The following CNTLN variants were observed in gnomAD, a reference collection of about 807,000 sequenced individuals.
CNTLN encodes the protein centlein, centrosomal protein.
A neutral mutation model predicts 180.0 loss-of-function variants in CNTLN; 212 were observed. The ratio of observed to expected loss-of-function variants is 1.18; its 90% CI spans 1.05 to 1.32. The LOEUF (loss-of-function observed/expected upper bound fraction) is 1.32, where lower values mean the gene tolerates loss of function less well. Among genes scored for constraint, CNTLN ranks in the 40% most tolerant of loss-of-function variants. The pLI is 0.00. For synonymous variants in CNTLN, 722 were observed against 563.1 expected, an observed-to-expected ratio of 1.28 and a Z score of -3.99; for missense variants, 2,095 against 1,610.9, an observed-to-expected ratio of 1.30 and a Z score of -5.14.
At chr9:17,319,405 G>A (rs1208674568) in intron 8 of CNTLN, among the ~76,000 whole-genome samples, 1 of 152,224 alleles carries the variant, frequency 6.6e-6, no homozygotes, top group East Asian at 1.9e-4. Flanking sequence ...AGGAGACTAA[G>A]TGGAAAGTGA....
intron 6 of CNTLN, among the ~76,000 whole-genome samples, chr9:17,281,680 C>G (rs1212399380): frequency 6.6e-6 from 1 of 152,164 alleles, no homozygotes; most frequent in Non-Finnish European, 1.5e-5. Context: ...TTTATCCAGT[C>G]TATCTTTGAT....
chr9:17,400,357 T>C (rs1826875761), intron 15 of CNTLN, among the ~76,000 whole-genome samples: 1 of 152,182 alleles, frequency 6.6e-6, no homozygotes, highest in African/African-American at 2.4e-5. Context: ...CAGGCTGGTC[T>C]GGAACTCCTG....
intron 6 of CNTLN, among the ~76,000 whole-genome samples, chr9:17,283,543 C>T (rs978367991): frequency 6.6e-6 from 1 of 152,150 alleles, no homozygotes; most frequent in African/African-American, 2.4e-5. Flanking sequence ...CATCTGCAAA[C>T]AGAGACAGTT....
intron 12 of CNTLN, among the ~76,000 whole-genome samples, chr9:17,365,727 A>C (rs1159623145): frequency 6.6e-6 from 1 of 152,198 alleles, no homozygotes; most frequent in Non-Finnish European, 1.5e-5. Flanking sequence ...TGGGAGGCCA[A>C]GATGAGTAGG....
chr9:17,190,230 T>C (rs79692724), intron 2 of CNTLN, among the ~76,000 whole-genome samples: 351 of 151,024 alleles, frequency 2.3e-3, no homozygotes, highest in African/African-American at 8.0e-3. Flanking sequence ...CTTTGTTTCC[T>C]GTTGTACAGT....
intron 18 of CNTLN, among the ~76,000 whole-genome samples, chr9:17,434,947 G>A (rs1379572571): frequency 2.6e-5 from 4 of 152,008 alleles, no homozygotes; most frequent in African/African-American, 9.7e-5. Flanking sequence ...TATAAGTAAT[G>A]CATTATTTCT....
chr9:17,525,402 T>C, the CNTLN span, among the ~76,000 whole-genome samples: 2,344 of 152,286 alleles, frequency 0.015, 27 homozygotes, highest in Middle Eastern at 0.024. Flanking sequence ...AGCTATGAGA[T>C]AGAAAAGATT....
chr9:17,458,941 G>A (rs967073350), intron 19 of CNTLN, among the ~76,000 whole-genome samples: 2 of 151,772 alleles, frequency 1.3e-5, no homozygotes, highest in African/African-American at 4.8e-5. Flanking sequence ...ACATTTCAGT[G>A]TTAAGGTTTC....
At chr9:17,295,241 CG>C (rs1817794140) in intron 6 of CNTLN, among the ~76,000 whole-genome samples, 1 of 152,102 alleles carries the variant, frequency 6.6e-6, no homozygotes, top group Non-Finnish European at 1.5e-5. Context: ...CTGAGGGAGC[CG>C]GCTCTGGCCT....
intron 2 of CNTLN, among the ~76,000 whole-genome samples, chr9:17,196,489 A>G (rs1319406694): frequency 6.6e-6 from 1 of 152,110 alleles, no homozygotes. Context: ...AAAAATGGCA[A>G]TGATACTTTA....
chr9:17,181,700 C>T (rs985854379), intron 2 of CNTLN, among the ~76,000 whole-genome samples: 1 of 152,172 alleles, frequency 6.6e-6, no homozygotes, highest in African/African-American at 2.4e-5. Context: ...AGGAGTTAGC[C>T]CCTCCTATTT....
intron 5 of CNTLN, among the ~76,000 whole-genome samples, chr9:17,266,759 T>A (rs1448735989): frequency 6.6e-6 from 1 of 152,216 alleles, no homozygotes; most frequent in Non-Finnish European, 1.5e-5. Flanking sequence ...TAGTGAGCTC[T>A]TGTTGTTGAA....
At chr9:17,496,101 A>G (rs1036684916) in intron 25 of CNTLN, among the ~76,000 whole-genome samples, 1 of 152,188 alleles carries the variant, frequency 6.6e-6, no homozygotes, top group African/African-American at 2.4e-5. Flanking sequence ...TTGAGGAGGT[A>G]TAATTCACTA....
At chr9:17,527,291 T>C in the CNTLN span, among the ~76,000 whole-genome samples, 1 of 152,200 alleles carries the variant, frequency 6.6e-6, no homozygotes, top group African/African-American at 2.4e-5. Context: ...GAAATCCCAT[T>C]GTTCATACCC....
At chr9:17,367,107 C>G (rs1270504588) in intron 13 of CNTLN, among the ~76,000 whole-genome samples, 1 of 152,198 alleles carries the variant, frequency 6.6e-6, no homozygotes, top group Non-Finnish European at 1.5e-5. Context: ...GTAGGAAAGA[C>G]AGTCTTAAAT....
At chr9:17,239,614 A>T (rs139669366) in intron 5 of CNTLN, among the ~76,000 whole-genome samples, 16 of 152,100 alleles carry the variant, frequency 1.1e-4, no homozygotes, top group Non-Finnish European at 2.2e-4. Flanking sequence ...CTTACATTTC[A>T]TTCTTTGATA....
intron 10 of CNTLN, among the ~76,000 whole-genome samples, chr9:17,338,424 C>T (rs865955146): frequency 3.5e-5 from 5 of 141,130 alleles, no homozygotes; most frequent in African/African-American, 1.3e-4. Flanking sequence ...TTGTCTGGCT[C>T]GGCCTCCCAA....
chr9:17,489,873 C>G (rs1833062210), intron 25 of CNTLN, among the ~76,000 whole-genome samples: 3 of 152,130 alleles, frequency 2.0e-5, no homozygotes, highest in East Asian at 1.9e-4. Flanking sequence ...AAGAACCACA[C>G]TGAAAAAATC....
intron 2 of CNTLN, among the ~76,000 whole-genome samples, chr9:17,168,773 G>A (rs1337077087): frequency 6.6e-6 from 1 of 151,172 alleles, no homozygotes; most frequent in Admixed American, 6.6e-5. Flanking sequence ...TTCAGTTTTG[G>A]TTTATTTGAA....
Sources: allele counts gnomAD v4.1 joint callset (sites outside exome capture counted in the v4.1 genomes callset), GRCh38; gene constraint gnomAD v4.1.1; transcripts MANE v1.5; gene names NCBI Gene and HGNC (gene_info 2026-07-23, HGNC 2026-07-21).